The following SORCS1 variants were observed in gnomAD, a reference collection of about 807,000 sequenced individuals.
SORCS1 encodes sortilin related VPS10 domain containing receptor 1, also known as VPS10 domain-containing receptor SorCS1.
Under a neutral mutation model 146.1 loss-of-function variants are expected in SORCS1, and 60 were observed. The observed-to-expected ratio is 0.41, with a 90% CI of 0.33 to 0.51. The LOEUF is 0.51. Among genes scored for constraint, SORCS1 ranks in the 20% least tolerant of loss-of-function variants. SORCS1 has a pLI of 0.21. For missense variants in SORCS1, 1,352 were observed against 1,487.6 expected (o/e 0.91, Z 1.50); for synonymous variants, 637 against 584.0 (o/e 1.09, Z -1.31).
At chr10:106,608,914 A>G (rs561117927) in intron 22 of SORCS1, among the ~76,000 whole-genome samples, 2 of 152,322 alleles carry the variant, frequency 1.3e-5, no homozygotes, top group Admixed American at 6.5e-5. Context: ...AGGACTTTAC[A>G]TAACTGCACC....
intron 2 of SORCS1, among the ~76,000 whole-genome samples, chr10:106,850,358 T>C (rs1169939958): frequency 3.3e-5 from 5 of 152,056 alleles, no homozygotes; most frequent in Non-Finnish European, 2.9e-5. Context: ...TCCAGGTGCG[T>C]CCGTCACCCC....
intron 2 of SORCS1, among the ~76,000 whole-genome samples, chr10:106,847,978 A>T (rs1348291897): frequency 6.7e-6 from 1 of 148,846 alleles, no homozygotes; most frequent in African/African-American, 2.5e-5. Flanking sequence ...GTTCTTTTAC[A>T]TTTGCTGAGG....
chr10:106,654,411 A>G (rs1850120251), intron 17 of SORCS1, among the ~76,000 whole-genome samples: 1 of 152,162 alleles, frequency 6.6e-6, no homozygotes, highest in Admixed American at 6.5e-5. Context: ...CTGCACTGCT[A>G]CTTTAAATGG....
At chr10:106,617,078 C>G (rs1469907684) in intron 21 of SORCS1, among the ~76,000 whole-genome samples, 1 of 152,012 alleles carries the variant, frequency 6.6e-6, no homozygotes, top group Non-Finnish European at 1.5e-5. Flanking sequence ...CCTCAGCCTC[C>G]TGAGTAGCTG....
intron 24 of SORCS1, among the ~76,000 whole-genome samples, chr10:106,588,778 G>A (rs552175131): frequency 1.1e-4 from 16 of 147,394 alleles, no homozygotes; most frequent in South Asian, 2.1e-4. Flanking sequence ...GGAGAATGGC[G>A]TGAACCCAGG....
chr10:107,011,906 T>C (rs1181657310), intron 1 of SORCS1, among the ~76,000 whole-genome samples: 1 of 152,226 alleles, frequency 6.6e-6, no homozygotes, highest in Non-Finnish European at 1.5e-5. Context: ...AATATTGATA[T>C]ATCACAATTT....
At chr10:107,017,399 C>A (rs1165390182) in intron 1 of SORCS1, among the ~76,000 whole-genome samples, 1 of 152,104 alleles carries the variant, frequency 6.6e-6, no homozygotes, top group African/African-American at 2.4e-5. Flanking sequence ...AAACAAAAAA[C>A]AGACACAAAA....
chr10:106,754,024 G>T (rs1858454717), intron 5 of SORCS1, among the ~76,000 whole-genome samples: 1 of 152,140 alleles, frequency 6.6e-6, no homozygotes, highest in African/African-American at 2.4e-5. Flanking sequence ...TCTGGATAAT[G>T]GGTACCTCTT....
intron 2 of SORCS1, among the ~76,000 whole-genome samples, chr10:106,937,974 A>G (rs1054155216): frequency 1.5e-4 from 1 of 6,464 alleles, no homozygotes; most frequent in Admixed American, 8.4e-4. Flanking sequence ...AAAAAGAAGA[A>G]AAAAAAAAAA....
chr10:106,668,387 G>A (rs1375111520), intron 16 of SORCS1, among the ~76,000 whole-genome samples: 2 of 152,172 alleles, frequency 1.3e-5, no homozygotes, highest in Admixed American at 6.5e-5. Context: ...GGCAGTTAGC[G>A]CTGCCACTTG....
intron 1 of SORCS1, among the ~76,000 whole-genome samples, chr10:106,984,342 A>G (rs977288336): frequency 6.6e-6 from 1 of 152,044 alleles, no homozygotes; most frequent in Admixed American, 6.6e-5. Context: ...TTCCTTTGCA[A>G]GACTTTAGAC....
intron 6 of SORCS1, among the ~76,000 whole-genome samples, chr10:106,716,253 A>G (rs1564890975): frequency 6.6e-6 from 1 of 152,208 alleles, no homozygotes; most frequent in Non-Finnish European, 1.5e-5. Flanking sequence ...CACAGGGCCA[A>G]TCAGCAGGTG....
At chr10:106,621,411 G>A (rs1847735794) in intron 19 of SORCS1, among the ~76,000 whole-genome samples, 1 of 151,506 alleles carries the variant, frequency 6.6e-6, no homozygotes, top group South Asian at 2.1e-4. Context: ...GCAATACCTT[G>A]GGTCTATTCA....
At chr10:106,933,429 A>G (rs1257665813) in intron 2 of SORCS1, among the ~76,000 whole-genome samples, 2 of 152,232 alleles carry the variant, frequency 1.3e-5, no homozygotes, top group Non-Finnish European at 2.9e-5. Flanking sequence ...TGTATTTAGC[A>G]TATTTCCAGG....
intron 1 of SORCS1, among the ~76,000 whole-genome samples, chr10:107,159,420 C>G (rs769940727): frequency 2.0e-5 from 3 of 152,166 alleles, no homozygotes; most frequent in Non-Finnish European, 4.4e-5. Flanking sequence ...CATGCTATGA[C>G]TACGTATCTA....
At chr10:107,041,502 A>G (rs914757092) in intron 1 of SORCS1, among the ~76,000 whole-genome samples, 6 of 152,012 alleles carry the variant, frequency 3.9e-5, no homozygotes, top group Non-Finnish European at 8.8e-5. Context: ...TCAGCTTGAC[A>G]TTTTAGTTAC....
chr10:106,992,939 C>CT (rs1956833701), intron 1 of SORCS1, among the ~76,000 whole-genome samples: 1 of 148,196 alleles, frequency 6.7e-6, no homozygotes, highest in Non-Finnish European at 1.5e-5. Flanking sequence ...TCAAGCAACT[C>CT]TCCCGCCTCA....
At chr10:106,893,264 C>T (rs1207167547) in intron 2 of SORCS1, among the ~76,000 whole-genome samples, 1 of 152,074 alleles carries the variant, frequency 6.6e-6, no homozygotes, top group African/African-American at 2.4e-5. Flanking sequence ...TTTTGGTCAC[C>T]TTCAATAAAT....
At chr10:106,771,105 C>A (rs1277726949) in intron 4 of SORCS1, among the ~76,000 whole-genome samples, 1 of 152,238 alleles carries the variant, frequency 6.6e-6, no homozygotes, top group Non-Finnish European at 1.5e-5. Flanking sequence ...ACATGGCACT[C>A]TCCCCTTTAC....
Sources: allele counts gnomAD v4.1 joint callset (sites outside exome capture counted in the v4.1 genomes callset), GRCh38; gene constraint gnomAD v4.1.1; transcripts MANE v1.5; gene names NCBI Gene and HGNC (gene_info 2026-07-23, HGNC 2026-07-21).